Variants in KIAA0825 observed in about 807,000 individuals in gnomAD.
KIAA0825 encodes uncharacterized protein KIAA0825.
KIAA0825 carries 119 observed loss-of-function variants against 147.6 expected under a neutral mutation model. The ratio of observed to expected loss-of-function variants is 0.81; its 90% CI spans 0.69 to 0.94. The LOEUF (loss-of-function observed/expected upper bound fraction) is 0.94. Ranked by LOEUF, KIAA0825 falls within the 40% of genes least tolerant of loss-of-function variation. KIAA0825 has a pLI of 0.00. For missense variants in KIAA0825, 1,381 were observed against 1,472.7 expected, an observed-to-expected ratio of 0.94 and a Z score of 1.02; for synonymous variants, 470 against 518.1, an observed-to-expected ratio of 0.91 and a Z score of 1.26.
At chr5:94,237,538 T>C (rs1160439947) in intron 20 of KIAA0825, among the ~76,000 whole-genome samples, 1 of 152,184 alleles carries the variant, frequency 6.6e-6, no homozygotes, top group Non-Finnish European at 1.5e-5. Context: ...TTCTTACCAC[T>C]TTCCTCTAAA....
At chr5:94,474,947 G>A (rs1481784353) in intron 7 of KIAA0825, among the ~76,000 whole-genome samples, 1 of 152,102 alleles carries the variant, frequency 6.6e-6, no homozygotes, top group South Asian at 2.1e-4. Context: ...AAATTAGCCG[G>A]GCGTGGTGGC....
At chr5:94,274,939 T>C (rs1777156947) in intron 20 of KIAA0825, among the ~76,000 whole-genome samples, 1 of 152,088 alleles carries the variant, frequency 6.6e-6, no homozygotes, top group Non-Finnish European at 1.5e-5. Flanking sequence ...AATACACTGA[T>C]TGGCTCAGGC....
At chr5:94,272,957 C>A (rs1777059336) in intron 20 of KIAA0825, among the ~76,000 whole-genome samples, 1 of 152,276 alleles carries the variant, frequency 6.6e-6, no homozygotes, top group East Asian at 1.9e-4. Flanking sequence ...TAGCACAGGG[C>A]AGATACTCTG....
At chr5:94,536,854 G>T (rs1772129073) in intron 3 of KIAA0825, 142 bp downstream of exon 3, 1 of 542,772 alleles carries the variant, frequency 1.8e-6, no homozygotes, top group South Asian at 2.8e-5. Flanking sequence ...TAAGTGAGAG[G>T]GGGGTCTAAT....
chr5:94,241,493 A>G (rs758564496), intron 20 of KIAA0825, among the ~76,000 whole-genome samples: 1 of 152,186 alleles, frequency 6.6e-6, no homozygotes, highest in Non-Finnish European at 1.5e-5. Context: ...AATTGCAGAC[A>G]TTGTACTTAC....
rs757438939 is a variant in KIAA0825 at position 94,484,932 on chromosome 5, T to G, written c.971-2A>C. The G allele has an allele frequency of 9.5e-6, 14 of 1,480,540 alleles. No individual in the cohort carries two copies. The highest frequency in any genetic ancestry group is 1.3e-5 in the Non-Finnish European group (14 of 1,103,296). The allele number at this position is 1,480,540 out of a possible 1,614,324, so 91.7% of individuals were successfully genotyped here. On this transcript the variant is annotated splice_acceptor_variant, in intron 5 of 20. Transcript: ENST00000682413. LOFTEE classifies it high-confidence loss of function. ...CTTTCTGTGGGCATTCAGTAGTAAC[T>G]GTGAAAAGAAAAGATCAATACTGTC...
At chr5:94,312,709 C>G (rs1779295854) in intron 20 of KIAA0825, among the ~76,000 whole-genome samples, 1 of 151,672 alleles carries the variant, frequency 6.6e-6, no homozygotes, top group Non-Finnish European at 1.5e-5. Flanking sequence ...TAGCATCTTT[C>G]AAATTTAACT....
At chr5:94,565,382 G>C (rs1584908400) in intron 2 of KIAA0825, among the ~76,000 whole-genome samples, 1 of 130,206 alleles carries the variant, frequency 7.7e-6, no homozygotes, top group African/African-American at 2.9e-5. Context: ...TCCTTTTGTT[G>C]CCCAGGCTGG....
chr5:94,493,581 C>T (rs1209214432), intron 5 of KIAA0825, among the ~76,000 whole-genome samples: 3 of 152,100 alleles, frequency 2.0e-5, no homozygotes, highest in African/African-American at 4.8e-5. Context: ...TCCACCCCGC[C>T]GGGTTCACGC....
chr5:94,421,017 T>C (rs1276100791), intron 14 of KIAA0825, among the ~76,000 whole-genome samples: 1 of 152,182 alleles, frequency 6.6e-6, no homozygotes, highest in African/African-American at 2.4e-5. Flanking sequence ...CTCTCTTGAC[T>C]TCCTGGCAGC....
chr5:94,478,814 A>G (rs1192962047), intron 6 of KIAA0825, among the ~76,000 whole-genome samples: 2 of 152,204 alleles, frequency 1.3e-5, no homozygotes. Context: ...AAGACTTTTC[A>G]GGACATGAAA....
intron 20 of KIAA0825, among the ~76,000 whole-genome samples, chr5:94,215,582 T>G (rs537899216): frequency 6.6e-6 from 1 of 152,334 alleles, no homozygotes; most frequent in East Asian, 1.9e-4. Flanking sequence ...AAGTCTGTTC[T>G]CTTTTATTAC....
At chr5:94,316,738 A>T (rs1584091506) in intron 20 of KIAA0825, among the ~76,000 whole-genome samples, 2 of 151,812 alleles carry the variant, frequency 1.3e-5, no homozygotes, top group Admixed American at 6.6e-5. Flanking sequence ...ATGCTTTTGC[A>T]TCCTTTCAGA....
chr5:94,439,832 A>T, intron 14 of KIAA0825, 150 bp downstream of exon 14: 1 of 747,144 alleles, frequency 1.3e-6, no homozygotes, highest in Non-Finnish European at 2.1e-6. Flanking sequence ...AAAGCGATTT[A>T]ATGCTTTTGA....
intron 20 of KIAA0825, among the ~76,000 whole-genome samples, chr5:94,222,100 A>G (rs1419251190): frequency 6.6e-6 from 1 of 152,172 alleles, no homozygotes; most frequent in African/African-American, 2.4e-5. Context: ...TTCAGAGTTG[A>G]AAGGAACCTT....
At chr5:94,590,399 A>C (rs1007034265) in intron 1 of KIAA0825, among the ~76,000 whole-genome samples, 13 of 152,204 alleles carry the variant, frequency 8.5e-5, no homozygotes, top group Non-Finnish European at 2.9e-5. Flanking sequence ...ATCCCAAGCC[A>C]AATTCCAGTT....
At chr5:94,531,519 C>T (rs963103609) in intron 3 of KIAA0825, among the ~76,000 whole-genome samples, 4 of 152,148 alleles carry the variant, frequency 2.6e-5, no homozygotes, top group Admixed American at 1.3e-4. Flanking sequence ...TAGGCTACTG[C>T]GCTGCTGAAG....
intron 20 of KIAA0825, among the ~76,000 whole-genome samples, chr5:94,358,595 G>A (rs1744639504): frequency 6.6e-6 from 1 of 152,036 alleles, no homozygotes; most frequent in South Asian, 2.1e-4. Context: ...GCAAAGTTTA[G>A]CTATATTTAA....
intron 1 of KIAA0825, among the ~76,000 whole-genome samples, chr5:94,590,617 T>C (rs1414206828): frequency 6.6e-6 from 1 of 152,242 alleles, no homozygotes; most frequent in Non-Finnish European, 1.5e-5. Flanking sequence ...AGGTTTCTTG[T>C]AAAATCAATA....
Sources: gnomAD v4.1 joint callset for allele counts (sites outside exome capture counted in the v4.1 genomes callset) on GRCh38, gnomAD v4.1.1 for gene constraint, MANE v1.5 for transcripts, NCBI Gene and HGNC (gene_info 2026-07-23, HGNC 2026-07-21) for gene names.